RYR2: variants seen among roughly 807,000 people sequenced by gnomAD.
RYR2 encodes the protein cardiac muscle ryanodine receptor-calcium release channel.
In RYR2, 227 loss-of-function variants were observed where a neutral mutation model predicts 601.1. That is an observed-to-expected ratio of 0.38 (90% CI 0.34 to 0.42). RYR2 has a LOEUF of 0.42. Among genes scored for constraint, RYR2 ranks in the 10% least tolerant of loss-of-function variants. The pLI is 1.00. For synonymous variants in RYR2, 2,223 were observed against 2,175.1 expected (o/e 1.02, Z -0.61); for missense variants, 4,646 against 6,156.5 (o/e 0.75, Z 8.21).
chr1:237,384,752 C>T (rs926812918), intron 8 of RYR2, among the ~76,000 whole-genome samples: 2 of 152,252 alleles, frequency 1.3e-5, no homozygotes, highest in East Asian at 1.9e-4. Flanking sequence ...CCCTCAAAGC[C>T]CCCAACCCAT....
chr1:237,723,316 T>C, intron 74 of RYR2, 54 bp downstream of exon 74: 1 of 1,432,522 alleles, frequency 7.0e-7, no homozygotes, highest in South Asian at 1.2e-5. Context: ...ACAAATATTT[T>C]AAAAAGAGAA....
In RYR2 at chr1:237,798,527, G is replaced by A. The variant is rs560227948; in HGVS notation, c.14090+357G>A. Among the ~76,000 whole-genome samples the A allele has an allele frequency of 5.3e-5, 8 of 152,040 alleles. 2 individuals carry two copies. Among genetic ancestry groups the A allele is most frequent in the South Asian group, 2.1e-4 (1 of 4,814 alleles). ...TCTGGTAATTCCTGTTTGAAAAAACGTTAATTTTCTTATGTTTTGGAAAAG... is the reference window on the plus strand; with the variant it reads ...TCTGGTAATTCCTGTTTGAAAAAACATTAATTTTCTTATGTTTTGGAAAAG... On this transcript the variant is annotated intron_variant, in intron 97 of 104. Coordinates refer to ENST00000366574, the MANE Select transcript of RYR2 (RefSeq NM_001035.3).
chr1:237,482,366 C>A (rs1662210735), intron 17 of RYR2, among the ~76,000 whole-genome samples: 1 of 152,070 alleles, frequency 6.6e-6, no homozygotes, highest in African/African-American at 2.4e-5. Flanking sequence ...CTACCCTTCC[C>A]AGCCTCTGGT....
chr1:237,605,117 C>CA (rs1165620114), intron 35 of RYR2, among the ~76,000 whole-genome samples: 3 of 151,426 alleles, frequency 2.0e-5, no homozygotes, highest in Non-Finnish European at 4.4e-5. Flanking sequence ...GAGACACAAC[C>CA]AAAAAAAAGA....
At chr1:237,268,348 T>C (rs1343591503) in intron 1 of RYR2, among the ~76,000 whole-genome samples, 1 of 152,190 alleles carries the variant, frequency 6.6e-6, no homozygotes, top group East Asian at 1.9e-4. Flanking sequence ...TGGTTCTTTT[T>C]TTATTACACC....
At chr1:237,522,828 T>G (rs1667221787) in intron 24 of RYR2, among the ~76,000 whole-genome samples, 1 of 152,196 alleles carries the variant, frequency 6.6e-6, no homozygotes, top group Non-Finnish European at 1.5e-5. Context: ...CAATCCCTAC[T>G]GCTTAATCTA....
At chr1:237,205,481 G>T (rs1052706409) in intron 1 of RYR2, among the ~76,000 whole-genome samples, 1 of 152,156 alleles carries the variant, frequency 6.6e-6, no homozygotes, top group African/African-American at 2.4e-5. Flanking sequence ...TGCCATGGTG[G>T]CGTTTGTGGC....
intron 1 of RYR2, among the ~76,000 whole-genome samples, chr1:237,070,087 G>A (rs1408814661): frequency 6.7e-6 from 1 of 148,808 alleles, no homozygotes; most frequent in African/African-American, 2.5e-5. Flanking sequence ...TTGGAGTGCA[G>A]TGGCATGATC....
rs1456012582 is a variant in RYR2 at position 237,374,763 on chromosome 1, C to T, written c.431C>T (p.Ala144Val). ...STSRSSTDKL[A>V]FDVGLQEDTT... ...TCCCGGTCTTCAACTGATAAGCTGG[C>T]TTTTGATGTTGGCTTGCAAGAGGAC... The change falls in exon 7 of 105, where the codon GCT becomes GTT. Residue 144 changes from alanine to valine, a missense_variant. Ala to Val is a moderately conservative substitution (Grantham distance 64). This residue lies in a region of RYR2 where 153 missense variants were observed against 203.6 expected (regional missense o/e 0.75). Transcript: ENST00000366574. The T allele has an allele frequency of 6.2e-7, 1 of 1,613,012 alleles. No homozygotes were observed. Among genetic ancestry groups the T allele is most frequent in the South Asian group, 1.1e-5 (1 of 90,788 alleles).
chr1:237,656,110 G>C, intron 53 of RYR2, 126 bp downstream of exon 53: 1 of 699,950 alleles, frequency 1.4e-6, no homozygotes, highest in Non-Finnish European at 2.3e-6. Context: ...CTTTTAATAG[G>C]GGTCCCTTTA....
chr1:237,237,945 C>CCCTTTCCTTT (rs60312547), intron 1 of RYR2, among the ~76,000 whole-genome samples: 852 of 35,350 alleles, frequency 0.024, 44 homozygotes, highest in East Asian at 0.03. Context: ...CTTTCCTTTC[C>CCCTTTCCTTT]CCTTTCCTTT....
intron 16 of RYR2, among the ~76,000 whole-genome samples, chr1:237,464,704 T>C (rs1231616959): frequency 6.6e-6 from 1 of 152,184 alleles, no homozygotes; most frequent in East Asian, 1.9e-4. Context: ...TGTACTTATA[T>C]TCAGTGTATA....
chr1:237,635,974 C>T (rs1680832214), intron 44 of RYR2, among the ~76,000 whole-genome samples: 1 of 152,020 alleles, frequency 6.6e-6, no homozygotes, highest in Non-Finnish European at 1.5e-5. Flanking sequence ...TCCAAAGTCA[C>T]CCTCTTGATC....
chr1:237,672,853 G>A (rs1465491528), intron 58 of RYR2, among the ~76,000 whole-genome samples: 1 of 152,074 alleles, frequency 6.6e-6, no homozygotes, highest in Non-Finnish European at 1.5e-5. Context: ...TCCTTATTAT[G>A]GTTAGTATTT....
rs558920406 is a variant in RYR2 at position 237,321,531 on chromosome 1, G to T, written c.169-9347G>T. 9.8e-5 allele frequency among the ~76,000 whole-genome samples: 15 copies of T among 152,314 alleles called. No homozygotes were observed. In the South Asian group the frequency reaches 3.1e-3, roughly 32 times the overall value. On this transcript the variant is annotated intron_variant, in intron 2 of 104. Coordinates refer to ENST00000366574, the MANE Select transcript of RYR2 (RefSeq NM_001035.3). ...AAGGATGTTGGTAGAGGATCACTAG[G>T]TTCGATGTCATTGAGTGATAACAGA...
chr1:237,421,125 G>A, intron 11 of RYR2, among the ~76,000 whole-genome samples: 1 of 152,172 alleles, frequency 6.6e-6, no homozygotes, highest in East Asian at 1.9e-4. Context: ...TATAGTCCTG[G>A]CTACTCGGGA....
At chr1:237,192,367 G>T (rs909334581) in intron 1 of RYR2, among the ~76,000 whole-genome samples, 1 of 151,674 alleles carries the variant, frequency 6.6e-6, no homozygotes, top group Non-Finnish European at 1.5e-5. Flanking sequence ...CGCCCACCAC[G>T]CCCGGCTAAT....
At position 237,590,681 on chromosome 1, in the gene RYR2, A is replaced by C; in HGVS notation, c.3849A>C (p.Leu1283Phe). The change falls in exon 31 of 105, where the codon TTA becomes TTC. Residue 1283 changes from leucine to phenylalanine, a missense_variant. Transcript: ENST00000366574. ...IDGTIDSSPC[L>F]KVTQKSFGSQ... ...GCACCATAGACAGTTCCCCATGTTT[A>C]AAGGTCACTCAGAAGTCTTTTGGTT... The C allele has an allele frequency of 6.3e-7, 1 of 1,576,954 alleles. No homozygotes were observed. The highest frequency in any genetic ancestry group is 1.2e-5 in the South Asian group (1 of 84,660).
intron 2 of RYR2, among the ~76,000 whole-genome samples, chr1:237,317,556 A>AT (rs754619345): frequency 1.3e-5 from 2 of 152,056 alleles, no homozygotes; most frequent in Non-Finnish European, 2.9e-5. Flanking sequence ...TGCTACACTC[A>AT]TTTATTAGGG....
Sources: allele counts gnomAD v4.1 joint callset (sites outside exome capture counted in the v4.1 genomes callset), GRCh38; gene constraint gnomAD v4.1.1; regional missense constraint gnomAD v4.1.1; transcripts MANE v1.5; gene names NCBI Gene and HGNC (gene_info 2026-07-23, HGNC 2026-07-21).